Variants in GON4L observed in about 807,000 individuals in gnomAD.
GON4L encodes the protein gon-4 like, also known as GON-4-like protein.
GON4L carries 87 observed loss-of-function variants against 211.8 expected under a neutral mutation model. The ratio of observed to expected loss-of-function variants is 0.41; its 90% CI spans 0.35 to 0.49. The LOEUF (loss-of-function observed/expected upper bound fraction) is 0.49. Ranked by LOEUF, GON4L falls within the 20% of genes least tolerant of loss-of-function variation. The pLI is 0.15. For synonymous variants in GON4L, 875 were observed against 962.6 expected, an observed-to-expected ratio of 0.91 and a Z score of 1.68; for missense variants, 2,155 against 2,659.5, an observed-to-expected ratio of 0.81 and a Z score of 4.17.
At chr1:155,826,244 C>G (rs372981851) in intron 3 of GON4L, among the ~76,000 whole-genome samples, 16 of 151,514 alleles carry the variant, frequency 1.1e-4, no homozygotes, top group African/African-American at 1.5e-4. Flanking sequence ...AATGTACACA[C>G]GATTCCATTC....
chr1:155,777,886 T>A, intron 14 of GON4L, 66 bp from the exon 15 acceptor site: 1 of 942,108 alleles, frequency 1.1e-6, no homozygotes, highest in South Asian at 1.3e-5. Context: ...TCCAATTCGT[T>A]CCAATGATGA....
chr1:155,772,008 C>T (rs1292118107), intron 18 of GON4L, among the ~76,000 whole-genome samples: 1 of 151,954 alleles, frequency 6.6e-6, no homozygotes, highest in African/African-American at 2.4e-5. Context: ...ACTAAAAATA[C>T]AAAAAATAGC....
At chr1:155,758,824 A>G (rs1661460318) in intron 24 of GON4L, among the ~76,000 whole-genome samples, 1 of 152,212 alleles carries the variant, frequency 6.6e-6, no homozygotes, top group African/African-American at 2.4e-5. Flanking sequence ...GGTTGCAGTA[A>G]GCAGAGATCA....
intron 12 of GON4L, 87 bp from the exon 13 acceptor site, chr1:155,785,461 C>A: frequency 1.1e-6 from 1 of 917,454 alleles, no homozygotes. Flanking sequence ...ATAATGTTTT[C>A]AACAAGGCAT....
intron 11 of GON4L, among the ~76,000 whole-genome samples, chr1:155,796,970 C>T (rs1666126220): frequency 6.6e-6 from 1 of 152,004 alleles, no homozygotes; most frequent in Admixed American, 6.6e-5. Flanking sequence ...AGATGAAGAC[C>T]AATATGTATA....
At chr1:155,801,629 T>C (rs1487672438) in intron 11 of GON4L, among the ~76,000 whole-genome samples, 1 of 151,474 alleles carries the variant, frequency 6.6e-6, no homozygotes, top group African/African-American at 2.4e-5. Flanking sequence ...ATGCCTGTAA[T>C]CCCAGCATTT....
At chr1:155,763,637 T>C (rs1388421244) in intron 21 of GON4L, 73 bp from the exon 22 acceptor site, 2 of 1,288,446 alleles carry the variant, frequency 1.6e-6, no homozygotes, top group Admixed American at 2.6e-5. Context: ...CAAAGCTATA[T>C]CAGGATAATC....
intron 2 of GON4L, among the ~76,000 whole-genome samples, chr1:155,849,773 CAAAAAAAAAAAA>C (rs11330008): frequency 9.0e-5 from 7 of 77,354 alleles, no homozygotes; most frequent in African/African-American, 2.9e-4. Context: ...GACTCCGTCT[CAAAAAAAAAAAA>C]AAAAAAAAAA....
chr1:155,849,917 T>C (rs1294059908), intron 2 of GON4L, among the ~76,000 whole-genome samples: 2 of 150,480 alleles, frequency 1.3e-5, no homozygotes, highest in Non-Finnish European at 3.0e-5. Flanking sequence ...AGGAAATGCC[T>C]TTTTTCCAGT....
chr1:155,827,070 C>T (rs1203677718), intron 2 of GON4L, 42 bp from the exon 3 acceptor site: 1 of 1,381,164 alleles, frequency 7.2e-7, no homozygotes, highest in South Asian at 1.2e-5. Flanking sequence ...TGACCATTCT[C>T]AGTCATACTC....
intron 8 of GON4L, among the ~76,000 whole-genome samples, chr1:155,815,478 G>A (rs1380975406): frequency 6.6e-6 from 1 of 152,104 alleles, no homozygotes; most frequent in Non-Finnish European, 1.5e-5. Context: ...TTATTTTTAG[G>A]GGGAGGGAGG....
intron 9 of GON4L, 143 bp downstream of exon 9, chr1:155,814,187 T>TTCTCTGAACTGTTTA (rs1245313193): frequency 2.3e-6 from 2 of 880,846 alleles, no homozygotes; most frequent in African/African-American, 3.3e-5. Flanking sequence ...AGTTCTAGCC[T>TTCTCTGAACTGTTTA]TCTCTGAACT....
intron 20 of GON4L, 62 bp from the exon 21 acceptor site, chr1:155,766,771 C>A: frequency 6.2e-7 from 1 of 1,605,714 alleles, no homozygotes; most frequent in Non-Finnish European, 8.5e-7. Flanking sequence ...AGAGGCTTGG[C>A]ACAGTGGCTC....
At chr1:155,820,824 A>G (rs1668665869) in intron 5 of GON4L, among the ~76,000 whole-genome samples, 168 bp from the exon 6 acceptor site, 1 of 152,108 alleles carries the variant, frequency 6.6e-6, no homozygotes, top group African/African-American at 2.4e-5. Flanking sequence ...CTACAAAAAA[A>G]TTGTTTTAAA....
At chr1:155,820,569 T>C in intron 6 of GON4L, 37 bp downstream of exon 6, 1 of 1,424,954 alleles carries the variant, frequency 7.0e-7, no homozygotes, top group Middle Eastern at 1.8e-4. Context: ...TTCACCAAGC[T>C]AAAAAAAAAC....
Position 155,753,345 on chromosome 1 carries a change from C to CCTCT in GON4L, c.5697_5700dup (p.Ala1901ArgfsTer3). ...TCCTTAGCACCAGGCATAGGACTAG[C>CCTCT]CTCTCGGTGGGGGCTGCTGCCCACC... On this transcript the variant is annotated frameshift_variant, in exon 29 of 32. Coordinates refer to ENST00000368331, the MANE Select transcript of GON4L (RefSeq NM_001282860.2). LOFTEE classifies it high-confidence loss of function. 6.2e-7 allele frequency: 1 copy of CCTCT among 1,613,824 alleles called. No homozygotes were observed. The highest frequency in any genetic ancestry group is 8.5e-7 in the Non-Finnish European group (1 of 1,179,816).
chr1:155,821,615 A>G, intron 4 of GON4L, 67 bp from the exon 5 acceptor site: 1 of 897,602 alleles, frequency 1.1e-6, no homozygotes, highest in Non-Finnish European at 1.9e-6. Flanking sequence ...TCATCTCTCC[A>G]TGTAACTGTC....
At chr1:155,822,882 G>A (rs1201174046) in intron 3 of GON4L, among the ~76,000 whole-genome samples, 3 of 152,184 alleles carry the variant, frequency 2.0e-5, no homozygotes, top group Non-Finnish European at 2.9e-5. Context: ...CGCAACCTCC[G>A]CCTCCTGGGT....
intron 2 of GON4L, among the ~76,000 whole-genome samples, chr1:155,841,282 C>A (rs1038757125): frequency 2.6e-5 from 4 of 152,036 alleles, no homozygotes; most frequent in African/African-American, 9.7e-5. Flanking sequence ...CTATTCAATT[C>A]CTCCAGGCCC....
Sources: allele counts gnomAD v4.1 joint callset (sites outside exome capture counted in the v4.1 genomes callset), GRCh38; gene constraint gnomAD v4.1.1; transcripts MANE v1.5; gene names NCBI Gene and HGNC (gene_info 2026-07-23, HGNC 2026-07-21).